Variants in ALK observed in about 807,000 individuals in gnomAD.
ALK encodes the protein ALK receptor tyrosine kinase.
A neutral mutation model predicts 163.1 loss-of-function variants in ALK; 74 were observed. The ratio of observed to expected loss-of-function variants is 0.45; its 90% CI spans 0.38 to 0.55. ALK has a LOEUF of 0.55. Ranked by LOEUF, ALK falls within the 20% of genes least tolerant of loss-of-function variation. The pLI is 0.00. For synonymous variants in ALK, 960 were observed against 843.2 expected (o/e 1.14, Z -2.40); for missense variants, 2,063 against 2,105.3 (o/e 0.98, Z 0.39).
chr2:29,678,315 T>C (rs1263160568), intron 3 of ALK, among the ~76,000 whole-genome samples: 2 of 151,898 alleles, frequency 1.3e-5, no homozygotes, highest in Non-Finnish European at 2.9e-5. Flanking sequence ...TCAATCTTTA[T>C]TTCCTTTCTT....
At chr2:29,837,069 G>T (rs1665581207) in intron 1 of ALK, among the ~76,000 whole-genome samples, 1 of 152,180 alleles carries the variant, frequency 6.6e-6, no homozygotes. Flanking sequence ...TGATAGAGAG[G>T]TATTATGAAC....
chr2:29,591,762 G>T (rs772964077), intron 3 of ALK, among the ~76,000 whole-genome samples: 2 of 151,866 alleles, frequency 1.3e-5, no homozygotes, highest in Non-Finnish European at 2.9e-5. Context: ...AATAATCAAC[G>T]TATGAAGTCC....
intron 3 of ALK, among the ~76,000 whole-genome samples, chr2:29,613,981 A>G (rs1675768356): frequency 2.0e-5 from 3 of 152,142 alleles, no homozygotes. Context: ...TACCCAAGCC[A>G]TCGTCTCTCA....
chr2:29,644,261 G>A (rs1676807730), intron 3 of ALK, among the ~76,000 whole-genome samples: 1 of 113,652 alleles, frequency 8.8e-6, no homozygotes, highest in African/African-American at 3.3e-5. Context: ...GGTGGGGGGA[G>A]GGGGGAGGGA....
intron 13 of ALK, 131 bp downstream of exon 13, chr2:29,239,549 T>C: frequency 8.5e-7 from 1 of 1,181,844 alleles, no homozygotes; most frequent in Middle Eastern, 2.8e-4. Flanking sequence ...AGCTGCTGTT[T>C]AATTACTCTT....
At chr2:29,417,110 C>G (rs540653115) in intron 4 of ALK, among the ~76,000 whole-genome samples, 40 of 151,046 alleles carry the variant, frequency 2.6e-4, no homozygotes, top group African/African-American at 9.5e-4. Context: ...ACCTCAGCCT[C>G]CCGGGTAGCT....
At chr2:29,883,604 C>A (rs1329692392) in intron 1 of ALK, among the ~76,000 whole-genome samples, 1 of 152,106 alleles carries the variant, frequency 6.6e-6, no homozygotes, top group Non-Finnish European at 1.5e-5. Context: ...GTTCTTTTCC[C>A]AAGAGATGAA....
chr2:29,895,762 T>C (rs1667252478), intron 1 of ALK, among the ~76,000 whole-genome samples: 1 of 152,164 alleles, frequency 6.6e-6, no homozygotes, highest in African/African-American at 2.4e-5. Flanking sequence ...TTAATTACCA[T>C]CTTATTGGCC....
intron 11 of ALK, among the ~76,000 whole-genome samples, chr2:29,256,457 A>G (rs1046797650): frequency 2.6e-5 from 4 of 152,180 alleles, no homozygotes; most frequent in Admixed American, 2.6e-4. Context: ...AAATCAGGAC[A>G]TTCAAGTTCA....
At chr2:29,353,463 A>T (rs1668167077) in intron 5 of ALK, among the ~76,000 whole-genome samples, 1 of 152,254 alleles carries the variant, frequency 6.6e-6, no homozygotes, top group African/African-American at 2.4e-5. Context: ...CATCTCTGGA[A>T]TTTTCCAACC....
At chr2:29,913,108 T>C (rs996262077) in intron 1 of ALK, among the ~76,000 whole-genome samples, 3 of 152,098 alleles carry the variant, frequency 2.0e-5, no homozygotes, top group Admixed American at 2.0e-4. Flanking sequence ...CATGCACCTG[T>C]TGTTAGTCAG....
intron 4 of ALK, among the ~76,000 whole-genome samples, chr2:29,434,452 T>C (rs1573350817): frequency 6.6e-6 from 1 of 152,232 alleles, no homozygotes; most frequent in African/African-American, 2.4e-5. Flanking sequence ...ATGGCTAAAA[T>C]GGAAACACGT....
intron 1 of ALK, among the ~76,000 whole-genome samples, chr2:29,757,333 C>T (rs190356145): frequency 4.5e-4 from 69 of 152,248 alleles, no homozygotes; most frequent in Middle Eastern, 3.4e-3. Context: ...CACCATCACC[C>T]CCATTTTGCA....
At chr2:29,529,655 C>T (rs570814452) in intron 4 of ALK, among the ~76,000 whole-genome samples, 2 of 152,370 alleles carry the variant, frequency 1.3e-5, no homozygotes, top group South Asian at 2.1e-4. Flanking sequence ...ACAAGAGTAG[C>T]TCTGCGCTGC....
intron 12 of ALK, among the ~76,000 whole-genome samples, chr2:29,245,235 G>A (rs1007422450): frequency 4.0e-5 from 6 of 150,410 alleles, no homozygotes; most frequent in Non-Finnish European, 8.9e-5. Context: ...GGGGCTCCAT[G>A]GCTCAGTGCC....
chr2:29,444,858 C>G lies in ALK; in HGVS notation c.1155-60999G>C, dbSNP rs147374878. On this transcript the variant is annotated intron_variant, in intron 4 of 28. Coordinates refer to ENST00000389048, the MANE Select transcript of ALK (RefSeq NM_004304.5). ...ATCCTAGGGCTGCTGGTTATAGTAGCTGACTCCTTGGTCCTGCCCATGCCT... is the reference window on the plus strand; with the variant it reads ...ATCCTAGGGCTGCTGGTTATAGTAGGTGACTCCTTGGTCCTGCCCATGCCT... Among the ~76,000 whole-genome samples the G allele has an allele frequency of 1.2e-3, 181 of 152,304 alleles. 1 individual carries two copies. Among genetic ancestry groups the G allele is most frequent in the African/African-American group, 3.8e-3 (160 of 41,564 alleles).
chr2:29,267,153 C>T (rs2148209442), intron 11 of ALK, among the ~76,000 whole-genome samples: 1 of 150,506 alleles, frequency 6.6e-6, no homozygotes, highest in African/African-American at 2.4e-5. Flanking sequence ...AGCTGCCATA[C>T]TGGGGAGAAA....
rs140451928 is a variant in ALK at position 29,383,877 on chromosome 2, CAG to C, written c.1155-20_1155-19del. 3.1e-3 allele frequency: 4,993 copies of C among 1,613,902 alleles called. 131 individuals carry two copies. The African/African-American group carries it at 0.059, about 19-fold the overall frequency. On this transcript the variant is annotated intron_variant, in intron 4 of 28. Coordinates refer to ENST00000389048, the MANE Select transcript of ALK (RefSeq NM_004304.5). ...CTGTCCAACTGGTTGCATTGGAAAA[CAG>C]AGGAGAAAAGCATAGAGAAACAGAT...
chr2:29,320,196 C>T (rs952609413), intron 7 of ALK, among the ~76,000 whole-genome samples: 8 of 152,204 alleles, frequency 5.3e-5, no homozygotes, highest in African/African-American at 1.7e-4. Flanking sequence ...CTGCCAGACA[C>T]GCAGGGTTTG....
Sources: allele counts gnomAD v4.1 joint callset (sites outside exome capture counted in the v4.1 genomes callset), GRCh38; gene constraint gnomAD v4.1.1; transcripts MANE v1.5; gene names NCBI Gene and HGNC (gene_info 2026-07-23, HGNC 2026-07-21).